SOX4: variants seen among roughly 807,000 people sequenced by gnomAD.
The protein encoded by SOX4 is transcription factor SOX-4.
For missense variants in SOX4, 662 were observed against 694.9 expected, an observed-to-expected ratio of 0.95 and a Z score of 0.53; for synonymous variants, 465 against 348.4, an observed-to-expected ratio of 1.33 and a Z score of -3.73.
Position 21,594,593 on chromosome 6 carries a change from C to T in SOX4, c.59C>T (p.Ser20Leu), listed in dbSNP as rs774443031. The change falls in exon 1 of 1, where the codon TCG (serine) becomes TTG (leucine). Residue 20 changes from serine to leucine, a missense_variant. Transcript: ENST00000244745. ...NTEALLAGES[S>L]DSGAGLELGI... The stretch of plus-strand genomic sequence containing the variant: ...GAAGCGCTGCTGGCCGGCGAGAGCT[C>T]GGACTCGGGCGCCGGCCTCGAGCTG... 6.2e-7 allele frequency: 1 copy of T among 1,608,882 alleles called. No homozygotes were observed. Among genetic ancestry groups the T allele is most frequent in the Admixed American group, 1.7e-5 (1 of 59,826 alleles).
Position 21,595,993 on chromosome 6 carries a change from G to T in SOX4, c.*34G>T. 3 of 1,461,784 alleles carry T rather than the reference G, an allele frequency of 2.1e-6. No individual in the cohort carries two copies. The highest frequency in any genetic ancestry group is 2.7e-6 in the Non-Finnish European group (3 of 1,105,352). The allele number at this position is 1,461,784 out of a possible 1,614,324, so 90.6% of individuals were successfully genotyped here. A position where few individuals can be genotyped will look rare whatever the true frequency, so the allele number is the denominator to read the frequency against. On this transcript the variant is annotated 3_prime_UTR_variant, in exon 1 of 1. Transcript: ENST00000244745. ...CAGGCAGGGAGAAGGGCCGGGGGGG[G>T]TAGGAGAGGAGAAAAAAAAAGTGAA... is the stretch of plus-strand genomic sequence containing the variant.
rs1763106304 is a variant in SOX4, at chr6:21,595,052, G to GC, written c.518_519insC (p.Ser174GlufsTer39). ...GGCCATGGGGGCGGCGGCGGCGGCG[G>GC]GAGCAGCAACGCGGGGGGAGGAGGC... On this transcript the variant is annotated frameshift_variant, in exon 1 of 1. Coordinates refer to ENST00000244745, the MANE Select transcript of SOX4 (RefSeq NM_003107.3). LOFTEE classifies it low-confidence loss of function (END_TRUNC). 1 of 1,432,830 alleles carries GC rather than the reference G, an allele frequency of 7.0e-7. No homozygotes were observed. The highest frequency in any genetic ancestry group is 1.5e-5 in the African/African-American group (1 of 66,520). The allele number at this position is 1,432,830 out of a possible 1,614,324, so 88.8% of individuals were successfully genotyped here.
chr6:21,595,366 T>TCCGCAGCGCTCGCGGCCC lies in SOX4; in HGVS notation c.834_851dup (p.Ala279_Pro284dup). The TCCGCAGCGCTCGCGGCCC allele has an allele frequency of 6.5e-7, 1 of 1,532,590 alleles. No individual in the cohort carries two copies. Among genetic ancestry groups the TCCGCAGCGCTCGCGGCCC allele is most frequent in the Non-Finnish European group, 8.7e-7 (1 of 1,149,210 alleles). 94.9% of individuals were successfully genotyped at this position (1,532,590 alleles called of 1,614,324 possible). On this transcript the variant is annotated inframe_insertion, in exon 1 of 1. Transcript: ENST00000244745. Reference sequence around the variant, plus strand: ...CTCCGCCTCCTCGGCAGCCTCGGCCTCCGCAGCGCTCGCGGCCCCGGGCAA... The same window carrying TCCGCAGCGCTCGCGGCCC: ...CTCCGCCTCCTCGGCAGCCTCGGCCTCCGCAGCGCTCGCGGCCCCCGCAGCGCTCGCGGCCCCGGGCAA...
chr6:21,595,353 GGCAGCCTCGGCCTCCGCAGCGCTC>G lies in SOX4; in HGVS notation c.822_845del (p.Ser276_Ala283del), dbSNP rs778468670. ...CCAGCGCCTCGGCCTCCGCCTCCTC[GGCAGCCTCGGCCTCCGCAGCGCTC>G]GCGGCCCCGGGCAAGCACCTGGCGG... On this transcript the variant is annotated inframe_deletion, in exon 1 of 1. Coordinates refer to ENST00000244745, the MANE Select transcript of SOX4 (RefSeq NM_003107.3). 2 of 1,518,036 alleles carry G rather than the reference GGCAGCCTCGGCCTCCGCAGCGCTC, an allele frequency of 1.3e-6. No individual in the cohort carries two copies. Among genetic ancestry groups the G allele is most frequent in the East Asian group, 2.8e-5 (1 of 36,290 alleles). The allele number at this position is 1,518,036 out of a possible 1,614,324, so 94.0% of individuals were successfully genotyped here. A position where few individuals can be genotyped will look rare whatever the true frequency, so the allele number is the denominator to read the frequency against.
chr6:21,595,311 G>C lies in SOX4; in HGVS notation c.777G>C (p.Leu259=). The change falls in exon 1 of 1, where the codon CTG becomes CTC. Residue 259 remains leucine (L), a synonymous_variant. Transcript: ENST00000244745. ...GCGCCGCCGCCGACCACCACTCGCT[G>C]TACAAGGCGCGGACTCCCAGCGCCT... The part of the protein sequence containing the change: ...PLGAAADHHS[L]YKARTPSASA... 6.8e-7 allele frequency: 1 copy of C among 1,467,806 alleles called. No individual in the cohort carries two copies. Among genetic ancestry groups the C allele is most frequent in the Non-Finnish European group, 9.0e-7 (1 of 1,114,420 alleles). The allele number at this position is 1,467,806 out of a possible 1,614,324, so 90.9% of individuals were successfully genotyped here.
At position 21,595,780 on chromosome 6, in the gene SOX4, A is replaced by G. The variant is rs576568466; in HGVS notation, c.1246A>G (p.Ser416Gly). The change falls in exon 1 of 1, where the codon AGC becomes GGC. Residue 416 changes from serine (S) to glycine (G), a missense_variant. Coordinates refer to ENST00000244745, the MANE Select transcript of SOX4 (RefSeq NM_003107.3). ...CCTGAACCCCAGCTCAAACTTTGAG[A>G]GCATGTCCCTGGGCAGCTTCAGTTC... The part of the protein sequence containing the change: ...LDLNPSSNFE[S>G]MSLGSFSSSS... 19 of 1,613,414 alleles carry G rather than the reference A, an allele frequency of 1.2e-5. No individual in the cohort carries two copies. The Admixed American group carries it at 2.8e-4, about 24-fold the overall frequency.
rs1392979509 is a variant in SOX4, at chr6:21,597,356, ATCC to A, written c.*1400_*1402del. On this transcript the variant is annotated 3_prime_UTR_variant, in exon 1 of 1. Transcript: ENST00000244745. ...TGTTTTTTTCCTTCACCGATGCTCC[ATCC>A]TCGTATTTCTTTTTCCTTGTAAATG... 1 of 166,938 alleles carries A rather than the reference ATCC, an allele frequency of 6.0e-6. No homozygotes were observed. Among genetic ancestry groups the A allele is most frequent in the Non-Finnish European group, 1.5e-5 (1 of 68,104 alleles). 10.3% of individuals were successfully genotyped at this position (166,938 alleles called of 1,614,324 possible). A position where few individuals can be genotyped will look rare whatever the true frequency, so the allele number is the denominator to read the frequency against.
Position 21,593,984 on chromosome 6 carries a change from C to A in SOX4, c.-551C>A, listed in dbSNP as rs1561756385. 6.6e-6 allele frequency: 1 copy of A among 152,208 alleles called. No homozygotes were observed. Among genetic ancestry groups the A allele is most frequent in the Non-Finnish European group, 1.5e-5 (1 of 68,110 alleles). 9.4% of individuals were successfully genotyped at this position (152,208 alleles called of 1,614,324 possible). ...AATAATTGCACCAACTCCTTAGTGC[C>A]GATTCCGCCCACAGAGAGTCCTGGA... is the stretch of plus-strand genomic sequence containing the variant. On this transcript the variant is annotated 5_prime_UTR_variant, in exon 1 of 1. Coordinates refer to ENST00000244745, the MANE Select transcript of SOX4 (RefSeq NM_003107.3).
rs923120469 is a variant in SOX4, at chr6:21,598,272, G to A, written c.*2313G>A. On this transcript the variant is annotated 3_prime_UTR_variant, in exon 1 of 1. Coordinates refer to ENST00000244745, the MANE Select transcript of SOX4 (RefSeq NM_003107.3). Reference sequence around the variant, plus strand: ...CTGTTGTGTTTAAAAATTGAAAAAAGTGGAAAACATCTTTGTACATTTAAG... The same window carrying A: ...CTGTTGTGTTTAAAAATTGAAAAAAATGGAAAACATCTTTGTACATTTAAG... 2.4e-5 allele frequency: 4 copies of A among 167,022 alleles called. No individual in the cohort carries two copies. The highest frequency in any genetic ancestry group is 7.2e-5 in the African/African-American group (3 of 41,442). The allele number at this position is 167,022 out of a possible 1,614,324, so 10.3% of individuals were successfully genotyped here. A position where few individuals can be genotyped will look rare whatever the true frequency, so the allele number is the denominator to read the frequency against.
Position 21,594,379 on chromosome 6 carries a change from C to T in SOX4, c.-156C>T, listed in dbSNP as rs569415763. Reference sequence around the variant, plus strand: ...TTGGGGACTTTTCTCTCTTTACCCACCTCCGCCCCTGCGAGGAGTTGAGGG... The same window carrying T: ...TTGGGGACTTTTCTCTCTTTACCCATCTCCGCCCCTGCGAGGAGTTGAGGG... On this transcript the variant is annotated 5_prime_UTR_variant, in exon 1 of 1. Transcript: ENST00000244745. 2.1e-5 allele frequency: 19 copies of T among 926,076 alleles called. No individual in the cohort carries two copies. The East Asian group carries it at 5.8e-4, about 28-fold the overall frequency. 57.4% of individuals were successfully genotyped at this position (926,076 alleles called of 1,614,324 possible). A position where few individuals can be genotyped will look rare whatever the true frequency, so the allele number is the denominator to read the frequency against.
In SOX4 at chr6:21,595,228, G is replaced by A. The variant is rs1359206316; in HGVS notation, c.694G>A (p.Ala232Thr). The change falls in exon 1 of 1, where the codon GCC (alanine) becomes ACC (threonine). Residue 232 changes from alanine (A) to threonine (T), a missense_variant. By Grantham distance (58) the Ala-to-Thr change is moderately conservative (BLOSUM62 0). Coordinates refer to ENST00000244745, the MANE Select transcript of SOX4 (RefSeq NM_003107.3). The stretch of plus-strand genomic sequence containing the variant: ...CGGCGGCGGCGGGAAAGCAGCGGCT[G>A]CCGCCGCCGCCTCCTTCGCCGCCGA... ...GGGGGGKAAA[A>T]AAASFAAEQA... 23 of 1,232,648 alleles carry A rather than the reference G, an allele frequency of 1.9e-5. No homozygotes were observed. The highest frequency in any genetic ancestry group is 1.1e-4 in the South Asian group (3 of 26,264). 76.4% of individuals were successfully genotyped at this position (1,232,648 alleles called of 1,614,324 possible).
Position 21,595,517 on chromosome 6 carries a change from A to C in SOX4, c.983A>C (p.Glu328Ala). The change falls in exon 1 of 1, where the codon GAG becomes GCG. Residue 328 changes from glutamate to alanine, a missense_variant. Transcript: ENST00000244745. ...PSDPLGLYEEEGAGCSPDAPS... is the reference protein window; with the variant it reads ...PSDPLGLYEEAGAGCSPDAPS... ...GACCCCCTGGGCCTGTACGAGGAGG[A>C]GGGCGCGGGCTGCTCGCCCGACGCG... 1 of 1,272,476 alleles carries C rather than the reference A, an allele frequency of 7.9e-7. No individual in the cohort carries two copies. The highest frequency in any genetic ancestry group is 9.9e-7 in the Non-Finnish European group (1 of 1,007,536). 78.8% of individuals were successfully genotyped at this position (1,272,476 alleles called of 1,614,324 possible).
At position 21,594,690 on chromosome 6, in the gene SOX4, C is replaced by A; in HGVS notation, c.156C>A (p.Cys52Ter). The A allele has an allele frequency of 6.3e-7, 1 of 1,597,962 alleles. No homozygotes were observed. The highest frequency in any genetic ancestry group is 1.1e-5 in the South Asian group (1 of 89,068). ...GCAAGGCCGACGACCCGAGCTGGTG[C>A]AAGACCCCGAGTGGGCACATCAAGC... ...TGGKADDPSW[C>*]KTPSGHIKRP... Residue 52 changes from cysteine (C) to a stop codon, truncating the protein, a stop_gained, in exon 1 of 1, where the codon TGC (cysteine) becomes TGA (stop). Coordinates refer to ENST00000244745, the MANE Select transcript of SOX4 (RefSeq NM_003107.3). LOFTEE classifies it low-confidence loss of function (END_TRUNC).
At position 21,596,209 on chromosome 6, in the gene SOX4, G is replaced by GGA. The variant is rs1763152895; in HGVS notation, c.*252_*253dup. On this transcript the variant is annotated 3_prime_UTR_variant, in exon 1 of 1. Coordinates refer to ENST00000244745, the MANE Select transcript of SOX4 (RefSeq NM_003107.3). ...CTCTGCCCAGCCGGAGGGACGCGGA[G>GGA]GAGGAAGAGGGTAGACAGGGGCGAC... The GGA allele has an allele frequency of 2.3e-6, 1 of 432,844 alleles. No individual in the cohort carries two copies. The allele number at this position is 432,844 out of a possible 1,614,324, so 26.8% of individuals were successfully genotyped here.
chr6:21,597,607 A>G lies in SOX4; in HGVS notation c.*1648A>G, dbSNP rs1487315042. 1.5e-5 allele frequency: 2 copies of G among 135,586 alleles called. No homozygotes were observed. The highest frequency in any genetic ancestry group is 3.2e-5 in the African/African-American group (1 of 31,122). The allele number at this position is 135,586 out of a possible 1,614,324, so 8.4% of individuals were successfully genotyped here. On this transcript the variant is annotated 3_prime_UTR_variant, in exon 1 of 1. Transcript: ENST00000244745. ...TGAAGGGCTAGAGTTTTAACTTTTAATTTTTTATATTTAAATGTAGACTTT... is the reference window on the plus strand; with the variant it reads ...TGAAGGGCTAGAGTTTTAACTTTTAGTTTTTTATATTTAAATGTAGACTTT...
Position 21,596,146 on chromosome 6 carries a change from C to T in SOX4, c.*187C>T, listed in dbSNP as rs1763149537. On this transcript the variant is annotated 3_prime_UTR_variant, in exon 1 of 1. Coordinates refer to ENST00000244745, the MANE Select transcript of SOX4 (RefSeq NM_003107.3). ...AAGGAGCGCGGCGGCGTTTTGGACC[C>T]GCGCTCCCATCCCCCACCTTCCCGG... The T allele has an allele frequency of 3.1e-6, 3 of 965,522 alleles. No individual in the cohort carries two copies. The highest frequency in any genetic ancestry group is 2.5e-5 in the South Asian group (1 of 40,578). 59.8% of individuals were successfully genotyped at this position (965,522 alleles called of 1,614,324 possible). A position where few individuals can be genotyped will look rare whatever the true frequency, so the allele number is the denominator to read the frequency against.
chr6:21,597,059 G>A lies in SOX4; in HGVS notation c.*1100G>A, dbSNP rs1763183792. On this transcript the variant is annotated 3_prime_UTR_variant, in exon 1 of 1. Coordinates refer to ENST00000244745, the MANE Select transcript of SOX4 (RefSeq NM_003107.3). ...GGTGTTGGATTATTTCAATGGTGGGGTTAATATAGCATGTTATCCTGTCTA... is the reference window on the plus strand; with the variant it reads ...GGTGTTGGATTATTTCAATGGTGGGATTAATATAGCATGTTATCCTGTCTA... 1 of 166,838 alleles carries A rather than the reference G, an allele frequency of 6.0e-6. No homozygotes were observed. Among genetic ancestry groups the A allele is most frequent in the African/African-American group, 2.4e-5 (1 of 41,420 alleles). 10.3% of individuals were successfully genotyped at this position (166,838 alleles called of 1,614,324 possible). A position where few individuals can be genotyped will look rare whatever the true frequency, so the allele number is the denominator to read the frequency against.
At position 21,596,674 on chromosome 6, in the gene SOX4, G is replaced by A. The variant is rs1443032905; in HGVS notation, c.*715G>A. ...CCGGAGGAGGAGATGTTGAGGGGAG[G>A]AGGCCAGCCAGTGTGACCGGCGCTA... On this transcript the variant is annotated 3_prime_UTR_variant, in exon 1 of 1. Transcript: ENST00000244745. The A allele has an allele frequency of 6.0e-6, 1 of 167,190 alleles. No homozygotes were observed. Among genetic ancestry groups the A allele is most frequent in the Non-Finnish European group, 1.5e-5 (1 of 68,262 alleles). The allele number at this position is 167,190 out of a possible 1,614,324, so 10.4% of individuals were successfully genotyped here. A position where few individuals can be genotyped will look rare whatever the true frequency, so the allele number is the denominator to read the frequency against.
Position 21,594,375 on chromosome 6 carries a change from C to CCCACCT in SOX4, c.-157_-152dup, listed in dbSNP as rs1763089526. 1.1e-6 allele frequency: 1 copy of CCCACCT among 877,646 alleles called. No individual in the cohort carries two copies. Among genetic ancestry groups the CCCACCT allele is most frequent in the Non-Finnish European group, 1.5e-6 (1 of 651,564 alleles). 54.4% of individuals were successfully genotyped at this position (877,646 alleles called of 1,614,324 possible). A position where few individuals can be genotyped will look rare whatever the true frequency, so the allele number is the denominator to read the frequency against. The stretch of plus-strand genomic sequence containing the variant: ...TCTTTTGGGGACTTTTCTCTCTTTA[C>CCCACCT]CCACCTCCGCCCCTGCGAGGAGTTG... On this transcript the variant is annotated 5_prime_UTR_variant, in exon 1 of 1. Coordinates refer to ENST00000244745, the MANE Select transcript of SOX4 (RefSeq NM_003107.3).
Sources: allele counts gnomAD v4.1 joint callset, GRCh38; gene constraint gnomAD v4.1.1; transcripts MANE v1.5; gene names NCBI Gene and HGNC (gene_info 2026-07-23, HGNC 2026-07-21).